JPH3: variants seen among roughly 807,000 people sequenced by gnomAD.
The protein encoded by JPH3 is junctophilin 3.
Under a neutral mutation model 59.6 loss-of-function variants are expected in JPH3, and 11 were observed. That is an observed-to-expected ratio of 0.18 (90% CI 0.12 to 0.31). The LOEUF (loss-of-function observed/expected upper bound fraction) is 0.31. Among genes scored for constraint, JPH3 ranks in the 10% least tolerant of loss-of-function variants. JPH3 has a pLI of 1.00. For missense variants in JPH3, 1,202 were observed against 1,105.7 expected (o/e 1.09, Z -1.24); for synonymous variants, 673 against 483.6 (o/e 1.39, Z -5.14).
At chr16:87,636,238 T>TGGGGTGGGGGC (rs1458764734) in intron 1 of JPH3, among the ~76,000 whole-genome samples, 1 of 151,678 alleles carries the variant, frequency 6.6e-6, no homozygotes, top group Non-Finnish European at 1.5e-5. Flanking sequence ...TGCCCTGGGG[T>TGGGGTGGGGGC]GGGGTGGGGG....
intron 1 of JPH3, among the ~76,000 whole-genome samples, chr16:87,609,178 G>A (rs1013214621): frequency 5.9e-5 from 9 of 152,258 alleles, no homozygotes; most frequent in Admixed American, 5.2e-4. Context: ...TGTCTTCTGA[G>A]GTAACATCCT....
chr16:87,633,523 G>A (rs1018289618), intron 1 of JPH3, among the ~76,000 whole-genome samples: 6 of 151,798 alleles, frequency 4.0e-5, no homozygotes, highest in African/African-American at 1.2e-4. Flanking sequence ...AATGATGGGC[G>A]GGGCGCGGTG....
At chr16:87,619,948 G>A (rs891903520) in intron 1 of JPH3, among the ~76,000 whole-genome samples, 1 of 152,172 alleles carries the variant, frequency 6.6e-6, no homozygotes, top group Admixed American at 6.5e-5. Context: ...GCATCTGTGA[G>A]CACCAGGGAC....
chr16:87,687,850 G>GGAT (rs1056674867), intron 3 of JPH3, among the ~76,000 whole-genome samples: 1 of 152,202 alleles, frequency 6.6e-6, no homozygotes, highest in African/African-American at 2.4e-5. Flanking sequence ...CGCCATCGGG[G>GGAT]GATGGGGGGG....
Position 87,677,218 on chromosome 16 carries a change from ACACACAC to A in JPH3, c.1161-6923_1161-6917del, listed in dbSNP as rs1417641671. On this transcript the variant is annotated intron_variant, in intron 2 of 4. Coordinates refer to ENST00000284262, the MANE Select transcript of JPH3 (RefSeq NM_020655.4). Reference sequence around the variant, plus strand: ...CACACACACACACACACACACACACACACACACAAAAAAAAAAATTAGCCGGGTGTGG... The same window carrying A: ...CACACACACACACACACACACACACAAAAAAAAAAAATTAGCCGGGTGTGG... Among the ~76,000 whole-genome samples, 18 of 116,872 alleles carry A rather than the reference ACACACAC, an allele frequency of 1.5e-4. 1 individual carries two copies. The highest frequency in any genetic ancestry group is 2.9e-4 in the East Asian group (1 of 3,490). 76.7% of individuals were successfully genotyped at this position (116,872 alleles called of 152,430 possible). A position where few individuals can be genotyped will look rare whatever the true frequency, so the allele number is the denominator to read the frequency against.
At chr16:87,668,246 C>A (rs1402114582) in intron 2 of JPH3, among the ~76,000 whole-genome samples, 1 of 152,188 alleles carries the variant, frequency 6.6e-6, no homozygotes, top group Non-Finnish European at 1.5e-5. Flanking sequence ...GAGGCCGGAG[C>A]CGGCACATGC....
At position 87,644,570 on chromosome 16, in the gene JPH3, G is replaced by A. The variant is rs1197304742; in HGVS notation, c.695G>A (p.Ser232Asn). The change falls in exon 2 of 5, where the codon AGC (serine) becomes AAC (asparagine). Residue 232 changes from serine (S) to asparagine (N), a missense_variant. Physicochemically the swap from Ser to Asn is conservative, Grantham distance 46 (BLOSUM62 1). Coordinates refer to ENST00000284262, the MANE Select transcript of JPH3 (RefSeq NM_020655.4). ...GLKLRKSESK[S>N]SLASQRSKQS... ...AAGCTGCGCAAGTCGGAGTCCAAGA[G>A]CAGCCTGGCCAGCCAACGCAGCAAG... 4 of 1,612,772 alleles carry A rather than the reference G, an allele frequency of 2.5e-6. No homozygotes were observed. In the African/African-American group the frequency reaches 4.0e-5, roughly 16 times the overall value.
At chr16:87,687,093 C>T (rs1187924635) in intron 3 of JPH3, among the ~76,000 whole-genome samples, 1 of 152,184 alleles carries the variant, frequency 6.6e-6, no homozygotes, top group Non-Finnish European at 1.5e-5. Flanking sequence ...TTGATCCAAG[C>T]ATTTCTTGTT....
chr16:87,609,080 T>C lies in JPH3; in HGVS notation c.382+5552T>C, dbSNP rs549303214. Among the ~76,000 whole-genome samples, 128 of 152,292 alleles carry C rather than the reference T, an allele frequency of 8.4e-4. 1 individual carries two copies. Among genetic ancestry groups the C allele is most frequent in the African/African-American group, 2.9e-3 (120 of 41,574 alleles). The stretch of plus-strand genomic sequence containing the variant: ...TGCCTGGTCCTACTCAGTCGGTGCA[T>C]GGATTCCATGCTCCAGGAAGGGCTG... On this transcript the variant is annotated intron_variant, in intron 1 of 4. Coordinates refer to ENST00000284262, the MANE Select transcript of JPH3 (RefSeq NM_020655.4).
rs746561769 is a variant in JPH3 at position 87,689,827 on chromosome 16, G to A, written c.1467G>A (p.Pro489=). The A allele has an allele frequency of 2.8e-5, 44 of 1,549,032 alleles. No homozygotes were observed. The highest frequency in any genetic ancestry group is 3.8e-5 in the Admixed American group (2 of 52,042). Residue 489 remains proline (P), a synonymous_variant, in exon 4 of 5, where the codon CCG becomes CCA. Coordinates refer to ENST00000284262, the MANE Select transcript of JPH3 (RefSeq NM_020655.4). ...CCACCAGCCCCGCGGCCACCCCGCC[G>A]CCCGCGCCCGCCGCCAGGAACAAGG... is the stretch of plus-strand genomic sequence containing the variant. ...SFPTSPAATP[P]PAPAARNKVA...
At chr16:87,604,996 C>A (rs973730794) in intron 1 of JPH3, 2 of 449,734 alleles carry the variant, frequency 4.4e-6, no homozygotes, top group Non-Finnish European at 9.0e-6. Flanking sequence ...TGTGTGTGCG[C>A]GCGCGTGCAG....
In JPH3 at chr16:87,697,189, G is replaced by GC; in HGVS notation, c.*531dup. 1 of 173,588 alleles carries GC rather than the reference G, an allele frequency of 5.8e-6. No homozygotes were observed. The highest frequency in any genetic ancestry group is 1.2e-5 in the Non-Finnish European group (1 of 80,006). The allele number at this position is 173,588 out of a possible 1,614,324, so 10.8% of individuals were successfully genotyped here. A position where few individuals can be genotyped will look rare whatever the true frequency, so the allele number is the denominator to read the frequency against. On this transcript the variant is annotated 3_prime_UTR_variant, in exon 5 of 5. Coordinates refer to ENST00000284262, the MANE Select transcript of JPH3 (RefSeq NM_020655.4). Reference sequence around the variant, plus strand: ...GCCCACCCCAGTGGGCAGTAGCCTGGCCTTTTTCTGTGTGAGATCTGTGCT... The same window carrying GC: ...GCCCACCCCAGTGGGCAGTAGCCTGGCCCTTTTTCTGTGTGAGATCTGTGCT...
chr16:87,692,995 C>T (rs1171554641), intron 4 of JPH3, among the ~76,000 whole-genome samples: 1 of 152,240 alleles, frequency 6.6e-6, no homozygotes, highest in East Asian at 1.9e-4. Context: ...GGGGTGGCAT[C>T]AGTGGGCAGG....
chr16:87,625,387 C>A (rs1056594001), intron 1 of JPH3, among the ~76,000 whole-genome samples: 3 of 152,202 alleles, frequency 2.0e-5, no homozygotes, highest in African/African-American at 7.2e-5. Context: ...CACACCAGCC[C>A]CCAGCAGCTC....
chr16:87,696,408 C>T lies in JPH3; in HGVS notation c.2167-172C>T, dbSNP rs116409000. On this transcript the variant is annotated intron_variant, in intron 4 of 4. Transcript: ENST00000284262. ...GCTTCTCTCCCGCGTCTGGACTTCA[C>T]GGAGCTCAGGTTCTGGTGGGCCTTT... is the stretch of plus-strand genomic sequence containing the variant. 3,847 of 615,364 alleles carry T rather than the reference C, an allele frequency of 6.3e-3. 126 individuals are homozygous for T. In the African/African-American group the frequency reaches 0.063, roughly 10 times the overall value. 38.1% of individuals were successfully genotyped at this position (615,364 alleles called of 1,614,324 possible).
intron 1 of JPH3, among the ~76,000 whole-genome samples, chr16:87,625,366 C>G (rs1332598823): frequency 6.6e-6 from 1 of 152,168 alleles, no homozygotes; most frequent in African/African-American, 2.4e-5. Context: ...TGGCCAGTCA[C>G]TCTCCTCCTC....
chr16:87,613,095 CTTT>C lies in JPH3; in HGVS notation c.382+9584_382+9586del, dbSNP rs1190988631. ...ACAATACCTACGTTTCTTTCTTTCT[CTTT>C]TTTTTTTTTTTTTTTTGAGACAGAG... On this transcript the variant is annotated intron_variant, in intron 1 of 4. Coordinates refer to ENST00000284262, the MANE Select transcript of JPH3 (RefSeq NM_020655.4). Among the ~76,000 whole-genome samples, 96 of 128,694 alleles carry C rather than the reference CTTT, an allele frequency of 7.5e-4. 2 individuals carry two copies. The highest frequency in any genetic ancestry group is 1.4e-3 in the African/African-American group (48 of 33,274). The allele number at this position is 128,694 out of a possible 152,430, so 84.4% of individuals were successfully genotyped here.
intron 1 of JPH3, among the ~76,000 whole-genome samples, chr16:87,635,747 TA>T (rs1265791724): frequency 2.0e-5 from 3 of 152,190 alleles, no homozygotes; most frequent in South Asian, 2.1e-4. Context: ...GGGCAAGGTT[TA>T]GGGGGTTTGT....
intron 4 of JPH3, among the ~76,000 whole-genome samples, chr16:87,692,990 G>T (rs2033643513): frequency 6.6e-6 from 1 of 152,238 alleles, no homozygotes; most frequent in South Asian, 2.1e-4. Context: ...CACCAGGGGT[G>T]GCATCAGTGG....
Sources: gnomAD v4.1 joint callset for allele counts (sites outside exome capture counted in the v4.1 genomes callset) on GRCh38, gnomAD v4.1.1 for gene constraint, MANE v1.5 for transcripts, NCBI Gene and HGNC (gene_info 2026-07-23, HGNC 2026-07-21) for gene names.